Variants in ARHGAP26 observed in about 807,000 individuals in gnomAD.
ARHGAP26 encodes rho GTPase-activating protein 26.
In ARHGAP26, 38 loss-of-function variants were observed where a neutral mutation model predicts 104.8. That is an observed-to-expected ratio of 0.36 (90% CI 0.28 to 0.48). The LOEUF (loss-of-function observed/expected upper bound fraction) is 0.48, where lower values mean the gene tolerates loss of function less well. ARHGAP26 is among the 20% of genes least tolerant of loss of function. The pLI, the probability that ARHGAP26 is intolerant of heterozygous loss-of-function variation, is 0.99. For missense variants in ARHGAP26, 704 were observed against 947.9 expected (o/e 0.74, Z 3.38); for synonymous variants, 341 against 340.0 (o/e 1.00, Z -0.03).
intron 5 of ARHGAP26, among the ~76,000 whole-genome samples, chr5:142,889,740 A>T (rs971589388): frequency 6.6e-6 from 1 of 152,196 alleles, no homozygotes; most frequent in Non-Finnish European, 1.5e-5. Flanking sequence ...TGAGCCCAGA[A>T]GGAATGAGCT....
intron 17 of ARHGAP26, among the ~76,000 whole-genome samples, chr5:143,102,401 A>C (rs534487488): frequency 6.6e-6 from 1 of 152,280 alleles, no homozygotes; most frequent in South Asian, 2.1e-4. Flanking sequence ...GTCGGCCCCA[A>C]ACATGCAGAA....
At chr5:142,917,472 C>A (rs915546408) in intron 10 of ARHGAP26, among the ~76,000 whole-genome samples, 1 of 152,140 alleles carries the variant, frequency 6.6e-6, no homozygotes, top group Admixed American at 6.6e-5. Flanking sequence ...CTGTCAGTTG[C>A]ATTTGGCATT....
intron 10 of ARHGAP26, among the ~76,000 whole-genome samples, chr5:142,924,203 T>C (rs1763593466): frequency 6.6e-6 from 1 of 152,130 alleles, no homozygotes; most frequent in Non-Finnish European, 1.5e-5. Context: ...TGACCCTTGC[T>C]TCCTCCCTCC....
chr5:143,115,209 T>C (rs1166184241), intron 17 of ARHGAP26, among the ~76,000 whole-genome samples: 1 of 151,954 alleles, frequency 6.6e-6, no homozygotes, highest in Non-Finnish European at 1.5e-5. Context: ...GGTATGCACC[T>C]GTAATCCCAG....
Position 143,041,896 on chromosome 5 carries a change from T to C in ARHGAP26, c.1285+6T>C. The C allele has an allele frequency of 1.3e-6, 2 of 1,580,366 alleles. No individual in the cohort carries two copies. Among genetic ancestry groups the C allele is most frequent in the Non-Finnish European group, 1.7e-6 (2 of 1,162,482 alleles). On this transcript the variant is annotated splice_donor_region_variant and intron_variant, in intron 14 of 22. Transcript: ENST00000645722. Reference sequence around the variant, plus strand: ...GTTGCTGAGTGTCCTGATGGGTGAGTGCCGCAGTGGCTCTGCTAGGCAGGT... The same window carrying C: ...GTTGCTGAGTGTCCTGATGGGTGAGCGCCGCAGTGGCTCTGCTAGGCAGGT...
intron 1 of ARHGAP26, among the ~76,000 whole-genome samples, chr5:142,782,882 T>C (rs1163190172): frequency 6.6e-6 from 1 of 152,116 alleles, no homozygotes. Context: ...TGTAAGATAG[T>C]GGTTCTTAAA....
chr5:143,117,028 C>T (rs1157897868), intron 17 of ARHGAP26, among the ~76,000 whole-genome samples: 1 of 152,180 alleles, frequency 6.6e-6, no homozygotes, highest in African/African-American at 2.4e-5. Flanking sequence ...GTAGAATTGG[C>T]AGTTCTTTCA....
intron 20 of ARHGAP26, among the ~76,000 whole-genome samples, chr5:143,149,052 G>T (rs1459323878): frequency 6.6e-6 from 1 of 152,116 alleles, no homozygotes. Flanking sequence ...CTTTTAAACA[G>T]GTCCTGAGGA....
At chr5:143,097,106 A>G (rs954341829) in intron 17 of ARHGAP26, among the ~76,000 whole-genome samples, 1 of 152,094 alleles carries the variant, frequency 6.6e-6, no homozygotes, top group African/African-American at 2.4e-5. Flanking sequence ...TGGGAGACCA[A>G]TGCGGGAGGA....
intron 11 of ARHGAP26, among the ~76,000 whole-genome samples, chr5:142,991,070 A>G (rs1312215417): frequency 6.6e-6 from 1 of 152,212 alleles, no homozygotes; most frequent in Non-Finnish European, 1.5e-5. Flanking sequence ...GGTGGAGTCT[A>G]CAAAGGCAGG....
At chr5:143,097,339 G>C (rs1792488204) in intron 17 of ARHGAP26, among the ~76,000 whole-genome samples, 1 of 118,332 alleles carries the variant, frequency 8.5e-6, no homozygotes, top group Non-Finnish European at 1.6e-5. Context: ...GCAACAGAGA[G>C]AGACTCCGTC....
chr5:142,815,508 G>T (rs1239403490), intron 1 of ARHGAP26, among the ~76,000 whole-genome samples: 1 of 152,202 alleles, frequency 6.6e-6, no homozygotes, highest in Non-Finnish European at 1.5e-5. Context: ...TCTAAGGTTG[G>T]TTAGTTTTAT....
At chr5:142,973,227 G>T (rs897313557) in intron 11 of ARHGAP26, among the ~76,000 whole-genome samples, 26 of 152,288 alleles carry the variant, frequency 1.7e-4, no homozygotes, top group African/African-American at 5.1e-4. Context: ...CGTTAAAAAG[G>T]CATTGCTCAA....
intron 18 of ARHGAP26, among the ~76,000 whole-genome samples, chr5:143,130,341 T>C (rs1197163611): frequency 6.6e-6 from 1 of 152,234 alleles, no homozygotes; most frequent in African/African-American, 2.4e-5. Flanking sequence ...TCTTCCTTAC[T>C]TTTATCTCTA....
At chr5:142,942,483 A>C (rs1450273043) in intron 11 of ARHGAP26, among the ~76,000 whole-genome samples, 1 of 152,216 alleles carries the variant, frequency 6.6e-6, no homozygotes, top group African/African-American at 2.4e-5. Context: ...GTAATGCTAC[A>C]TGGATTTCTG....
At chr5:142,778,962 T>G (rs1472599090) in intron 1 of ARHGAP26, among the ~76,000 whole-genome samples, 16 of 142,410 alleles carry the variant, frequency 1.1e-4, no homozygotes, top group African/African-American at 4.3e-4. Flanking sequence ...AAAAACTTAG[T>G]GTGTGTGTAT....
chr5:142,907,650 T>A, intron 8 of ARHGAP26, 54 bp from the exon 9 acceptor site: 2 of 1,233,736 alleles, frequency 1.6e-6, no homozygotes, highest in East Asian at 2.4e-5. Context: ...CAGCTCATGA[T>A]GTATAGCATA....
chr5:142,977,395 A>G (rs571991421), intron 11 of ARHGAP26, among the ~76,000 whole-genome samples: 4 of 152,304 alleles, frequency 2.6e-5, no homozygotes, highest in Non-Finnish European at 5.9e-5. Flanking sequence ...ATTGGCACAC[A>G]GAGGGCCATC....
rs10552247 is a variant in ARHGAP26 at position 142,948,409 on chromosome 5, AATAT to A, written c.1107+16296_1107+16299del. ...TGACTATACGTACTTGTGTGTATTA[AATAT>A]ATATATATATAATATGTATTTTAAT... On this transcript the variant is annotated intron_variant, in intron 11 of 22. Transcript: ENST00000645722. Among the ~76,000 whole-genome samples the A allele has an allele frequency of 3.3e-5, 5 of 150,138 alleles. No individual in the cohort carries two copies. The East Asian group carries it at 7.8e-4, about 23-fold the overall frequency.
Sources: gnomAD v4.1 joint callset for allele counts (sites outside exome capture counted in the v4.1 genomes callset) on GRCh38, gnomAD v4.1.1 for gene constraint, MANE v1.5 for transcripts, NCBI Gene and HGNC (gene_info 2026-07-23, HGNC 2026-07-21) for gene names.